Variants in BRD1 observed in about 807,000 individuals in gnomAD.
The protein encoded by BRD1 is bromodomain containing 1, also known as bromodomain-containing protein 1.
Under a neutral mutation model 107.7 loss-of-function variants are expected in BRD1, and 24 were observed. The observed-to-expected ratio is 0.22, with a 90% confidence interval of 0.16 to 0.31. BRD1 has a LOEUF of 0.31. BRD1 is among the 10% of genes least tolerant of loss of function. The probability of loss-of-function intolerance (pLI) is 1.00; values close to 1 mark genes in which losing one functional copy is unlikely to be tolerated. For missense variants in BRD1, 1,279 were observed against 1,638.6 expected, an observed-to-expected ratio of 0.78 and a Z score of 3.79; for synonymous variants, 744 against 686.1, an observed-to-expected ratio of 1.08 and a Z score of -1.32.
intron 2 of BRD1, chr22:49,820,984 A>C (rs1040463288): frequency 3.3e-5 from 5 of 152,240 alleles, no homozygotes; most frequent in Non-Finnish European, 7.3e-5. Flanking sequence ...TCTCTACTCG[A>C]AGCTGAAATA....
At position 49,776,030 on chromosome 22, in the gene BRD1, GCCA is replaced by G. The variant is rs750194951; in HGVS notation, c.3231+17_3231+19del. ...GTGAGCCTCCTCTGGACCCGCAGGC[GCCA>G]CGAGAGCCGTACTCACCAGTGCCGG... On this transcript the variant is annotated intron_variant, in intron 11 of 12. Coordinates refer to ENST00000404760, the MANE Select transcript of BRD1 (RefSeq NM_001304808.3). 6.7e-7 allele frequency: 1 copy of G among 1,501,886 alleles called. No homozygotes were observed. Among genetic ancestry groups the G allele is most frequent in the East Asian group, 2.3e-5 (1 of 43,262 alleles). 93.0% of individuals were successfully genotyped at this position (1,501,886 alleles called of 1,614,324 possible). A position where few individuals can be genotyped will look rare whatever the true frequency, so the allele number is the denominator to read the frequency against.
Position 49,777,672 on chromosome 22 carries a change from G to C in BRD1, c.2993+6C>G, listed in dbSNP as rs1248404880. On this transcript the variant is annotated splice_donor_region_variant and intron_variant, in intron 9 of 12. Transcript: ENST00000404760. ...GTGGTGGGAAGCGCAGGGCCGCGGT[G>C]CCCACCTCGAGTCGCAGAGCGGGCT... The C allele has an allele frequency of 1.9e-6, 3 of 1,603,860 alleles. No individual in the cohort carries two copies. The African/African-American group carries it at 4.0e-5, about 21-fold the overall frequency.
In BRD1 at chr22:49,793,572, A is replaced by C. The variant is rs536972171; in HGVS notation, c.2359+462T>G. On this transcript the variant is annotated intron_variant, in intron 7 of 12. Coordinates refer to ENST00000404760, the MANE Select transcript of BRD1 (RefSeq NM_001304808.3). ...TCACAACATCAGGGAGGAGTGTTTA[A>C]GTGCCAATAATCTAAAACAGCCCTT... Among the ~76,000 whole-genome samples the C allele has an allele frequency of 5.6e-4, 85 of 152,336 alleles. 1 individual carries two copies. Among genetic ancestry groups the C allele is most frequent in the African/African-American group, 2.0e-3 (83 of 41,580 alleles).
At chr22:49,790,180 C>A (rs977952724) in intron 7 of BRD1, among the ~76,000 whole-genome samples, 2 of 152,220 alleles carry the variant, frequency 1.3e-5, no homozygotes, top group African/African-American at 4.8e-5. Flanking sequence ...GCCCCTCCCC[C>A]AGCCGGGACC....
chr22:49,818,815 G>A (rs1353297796), intron 2 of BRD1, among the ~76,000 whole-genome samples: 2 of 152,096 alleles, frequency 1.3e-5, no homozygotes, highest in Non-Finnish European at 2.9e-5. Context: ...GAACCCGGGA[G>A]GTGGAGCTTG....
chr22:49,826,834 G>A (rs138881), intron 1 of BRD1, among the ~76,000 whole-genome samples: 11,814 of 152,286 alleles, frequency 0.078, 602 homozygotes, highest in South Asian at 0.11. Context: ...GGGTCCCGCT[G>A]CTACGGATTC....
rs1776147362 is a variant in BRD1, at chr22:49,827,782, G to A, written c.-300C>T. ...CCGGCGGGCGCGGGCGCGGGCGCGG[G>A]AGCGGGCGGCGGGCGGCGGGCGCGG... On this transcript the variant is annotated 5_prime_UTR_variant, in exon 1 of 13. Coordinates refer to ENST00000404760, the MANE Select transcript of BRD1 (RefSeq NM_001304808.3). Among the ~76,000 whole-genome samples, 1 of 143,590 alleles carries A rather than the reference G, an allele frequency of 7.0e-6. No individual in the cohort carries two copies. The highest frequency in any genetic ancestry group is 2.1e-4 in the South Asian group (1 of 4,734). The allele number at this position is 143,590 out of a possible 152,430, so 94.2% of individuals were successfully genotyped here. A position where few individuals can be genotyped will look rare whatever the true frequency, so the allele number is the denominator to read the frequency against.
chr22:49,776,712 T>A (rs1486474863), intron 10 of BRD1, among the ~76,000 whole-genome samples: 1 of 152,330 alleles, frequency 6.6e-6, no homozygotes, highest in Non-Finnish European at 1.5e-5. Context: ...GTCAGTCCCC[T>A]GTGCAGCTGC....
In BRD1 at chr22:49,803,091, CA is replaced by C. The variant is rs772138180; in HGVS notation, c.1524+1112del. 1.3e-5 allele frequency among the ~76,000 whole-genome samples: 2 copies of C among 152,258 alleles called. No individual in the cohort carries two copies. Among genetic ancestry groups the C allele is most frequent in the African/African-American group, 2.4e-5 (1 of 41,464 alleles). On this transcript the variant is annotated intron_variant, in intron 3 of 12. Transcript: ENST00000404760. The surrounding 1 kb of genome is among the most constrained non-coding windows in gnomAD (Gnocchi z 4.4). ...CGTCAGAAAACTTTGGACCCCACCA[CA>C]CCAAATCAGACCCACAAACCACCAC... is the stretch of plus-strand genomic sequence containing the variant.
chr22:49,824,811 C>A lies in BRD1; in HGVS notation c.-14-480G>T, dbSNP rs112691152. 9.9e-7 allele frequency: 1 copy of A among 1,008,834 alleles called. No homozygotes were observed. The highest frequency in any genetic ancestry group is 1.2e-6 in the Non-Finnish European group (1 of 842,318). 62.5% of individuals were successfully genotyped at this position (1,008,834 alleles called of 1,614,324 possible). ...CTACCTGGTCCTATCGGATGCTCCC[C>A]CTAAACCACTCTTCCCCTCCCCACT... is the stretch of plus-strand genomic sequence containing the variant. On this transcript the variant is annotated intron_variant, in intron 1 of 12. Transcript: ENST00000404760. This position sits in a 1 kb window ranked among gnomAD's most constrained non-coding sequence, Gnocchi z 5.9.
At position 49,775,825 on chromosome 22, in the gene BRD1, G is replaced by A. The variant is rs541615115; in HGVS notation, c.3232-80C>T. 1,837 of 944,620 alleles carry A rather than the reference G, an allele frequency of 1.9e-3. 40 individuals carry two copies. The East Asian group carries it at 0.067, about 35-fold the overall frequency. The allele number at this position is 944,620 out of a possible 1,614,324, so 58.5% of individuals were successfully genotyped here. ...CCACCTGTCACTGGCACCCCCCCCC[G>A]CCTCCCCACCCCAGCTGTGTGAGCC... On this transcript the variant is annotated intron_variant, in intron 11 of 12. Transcript: ENST00000404760.
At chr22:49,804,765 C>T (rs1007681819) in intron 2 of BRD1, among the ~76,000 whole-genome samples, 1 of 152,068 alleles carries the variant, frequency 6.6e-6, no homozygotes, top group African/African-American at 2.4e-5. Context: ...GCAGGAGAAT[C>T]GCTTAAACCT....
chr22:49,774,110 T>C lies in BRD1; in HGVS notation c.*123A>G. The C allele has an allele frequency of 1.5e-6, 2 of 1,314,576 alleles. No individual in the cohort carries two copies. Among genetic ancestry groups the C allele is most frequent in the African/African-American group, 1.5e-5 (1 of 66,514 alleles). 81.4% of individuals were successfully genotyped at this position (1,314,576 alleles called of 1,614,324 possible). On this transcript the variant is annotated 3_prime_UTR_variant, in exon 13 of 13. Coordinates refer to ENST00000404760, the MANE Select transcript of BRD1 (RefSeq NM_001304808.3). ...AAACTTGGAAATAAAACCTCCCCCC[T>C]CCCCGGGGAAAAAGAATTAAAGAGC... is the stretch of plus-strand genomic sequence containing the variant.
chr22:49,787,618 C>T lies in BRD1; in HGVS notation c.2629G>A (p.Val877Ile), dbSNP rs1477876963. The change falls in exon 8 of 13, where the codon GTA (valine) becomes ATA (isoleucine). Residue 877 changes from valine to isoleucine, a missense_variant. Val to Ile is a conservative substitution (Grantham distance 29). Transcript: ENST00000404760. Reference protein sequence around the residue: ...ASAVAEPASDVNRRTSVLFCK... With the variant: ...ASAVAEPASDINRRTSVLFCK... Reference sequence around the variant, plus strand: ...AAGAGAACAGAAGTGCGTCTGTTTACATCGCTTGCTGGCTCCGCCACCGCG... The same window carrying T: ...AAGAGAACAGAAGTGCGTCTGTTTATATCGCTTGCTGGCTCCGCCACCGCG... 1 of 1,551,698 alleles carries T rather than the reference C, an allele frequency of 6.4e-7. No individual in the cohort carries two copies. The highest frequency in any genetic ancestry group is 1.7e-4 in the Middle Eastern group (1 of 5,992).
chr22:49,782,729 T>C (rs2146983931), intron 8 of BRD1, among the ~76,000 whole-genome samples: 1 of 122,542 alleles, frequency 8.2e-6, no homozygotes, highest in South Asian at 3.1e-4. Flanking sequence ...TGCACAAGAC[T>C]TGCTCTGTGA....
At chr22:49,818,271 A>T (rs1601734754) in intron 2 of BRD1, 1 of 1,274,600 alleles carries the variant, frequency 7.8e-7, no homozygotes, top group East Asian at 5.6e-5. Context: ...CTCGTAGTAG[A>T]GGAGCTCCTC....
intron 2 of BRD1, among the ~76,000 whole-genome samples, chr22:49,819,892 G>C (rs2060031407): frequency 6.6e-6 from 1 of 152,072 alleles, no homozygotes; most frequent in Admixed American, 6.5e-5. Context: ...CACTTTGGGA[G>C]TTCGAGGCGG....
chr22:49,823,382 G>T lies in BRD1; in HGVS notation c.936C>A (p.Ile312=), dbSNP rs771198220. The T allele has an allele frequency of 3.7e-6, 6 of 1,613,776 alleles. No individual in the cohort carries two copies. The Admixed American group carries it at 1.0e-4, about 27-fold the overall frequency. Residue 312 remains isoleucine (I), a synonymous_variant, in exon 2 of 13, where the codon ATC becomes ATA. Coordinates refer to ENST00000404760, the MANE Select transcript of BRD1 (RefSeq NM_001304808.3). ...GFANTVFIEP[I]DGVRNIPPAR... Reference sequence around the variant, plus strand: ...CTGGAGGGATGTTCCTCACCCCATCGATGGGCTCGATGAACACCGTGTTGG... The same window carrying T: ...CTGGAGGGATGTTCCTCACCCCATCTATGGGCTCGATGAACACCGTGTTGG...
Position 49,824,054 on chromosome 22 carries a change from T to C in BRD1, c.264A>G (p.Arg88=), listed in dbSNP as rs750429090. The C allele has an allele frequency of 1.1e-5, 18 of 1,613,968 alleles. No individual in the cohort carries two copies. The South Asian group carries it at 2.0e-4, about 18-fold the overall frequency. ...CTCTGTTGTTTTTGTGACGCTTAGTTCTTAAGCAGACAGGAGGCCGCTCGC... is the reference window on the plus strand; with the variant it reads ...CTCTGTTGTTTTTGTGACGCTTAGTCCTTAAGCAGACAGGAGGCCGCTCGC... ...ENSERPPVCL[R]TKRHKNNRVK... Residue 88 remains arginine (R), a synonymous_variant, in exon 2 of 13, where the codon AGA becomes AGG. Transcript: ENST00000404760. This position sits in a 1 kb window ranked among gnomAD's most constrained non-coding sequence, Gnocchi z 5.9.
Sources: allele counts gnomAD v4.1 joint callset (sites outside exome capture counted in the v4.1 genomes callset), GRCh38; gene constraint gnomAD v4.1.1; non-coding constraint Gnocchi (gnomAD v3.1); transcripts MANE v1.5; gene names NCBI Gene and HGNC (gene_info 2026-07-23, HGNC 2026-07-21).